The following IQCK variants were observed in gnomAD, a reference collection of about 807,000 sequenced individuals.
IQCK encodes IQ domain-containing protein K.
IQCK carries 29 observed loss-of-function variants against 28.1 expected under a neutral mutation model. The observed-to-expected ratio is 1.03, with a 90% CI of 0.77 to 1.41. IQCK has a LOEUF of 1.41. Ranked by LOEUF, IQCK falls within the 40% of genes most tolerant of loss-of-function variation. The pLI, the probability that IQCK is intolerant of heterozygous loss-of-function variation, is 0.00. For missense variants in IQCK, 359 were observed against 314.7 expected (o/e 1.14, Z -1.07); for synonymous variants, 113 against 115.1 (o/e 0.98, Z 0.12).
At chr16:19,722,875 C>T (rs758015562) in intron 1 of IQCK, among the ~76,000 whole-genome samples, 33 of 152,138 alleles carry the variant, frequency 2.2e-4, no homozygotes, top group Admixed American at 3.9e-4. Context: ...TGACACCATG[C>T]CCAGCTAATT....
At chr16:19,804,701 T>C (rs1006075555) in intron 7 of IQCK, among the ~76,000 whole-genome samples, 41 of 152,096 alleles carry the variant, frequency 2.7e-4, no homozygotes, top group Non-Finnish European at 5.6e-4. Context: ...AGTGTTGGGA[T>C]TACAGGTGTG....
chr16:19,741,504 A>G (rs115547034), intron 4 of IQCK, among the ~76,000 whole-genome samples: 2,815 of 152,290 alleles, frequency 0.018, 88 homozygotes, highest in African/African-American at 0.065. Flanking sequence ...ATTTCTAATT[A>G]TATTAGAGAT....
At chr16:19,728,239 A>G (rs558375974) in intron 1 of IQCK, among the ~76,000 whole-genome samples, 1 of 152,128 alleles carries the variant, frequency 6.6e-6, no homozygotes, top group East Asian at 1.9e-4. Context: ...CTCAACCACA[A>G]GAAACTAAAA....
At chr16:19,779,335 G>A (rs1331007065) in intron 6 of IQCK, among the ~76,000 whole-genome samples, 1 of 152,194 alleles carries the variant, frequency 6.6e-6, no homozygotes. Flanking sequence ...TGATGGATTG[G>A]ATGTTGTGGG....
At chr16:19,761,176 T>G (rs1296055527) in intron 4 of IQCK, 1 of 329,750 alleles carries the variant, frequency 3.0e-6, no homozygotes, top group African/African-American at 2.1e-5. Context: ...CAGCCTCATT[T>G]TACCCAGCCC....
intron 4 of IQCK, among the ~76,000 whole-genome samples, chr16:19,738,844 G>A (rs567035518): frequency 6.6e-6 from 1 of 152,266 alleles, no homozygotes; most frequent in East Asian, 1.9e-4. Context: ...CCAGTTCCCA[G>A]AAAAACCATC....
intron 4 of IQCK, among the ~76,000 whole-genome samples, chr16:19,763,347 C>G (rs1041178244): frequency 6.6e-6 from 1 of 152,030 alleles, no homozygotes; most frequent in Non-Finnish European, 1.5e-5. Context: ...GTTTAGTAGG[C>G]TGAGAAGGAG....
chr16:19,822,067 C>CAA (rs35060834), intron 7 of IQCK, among the ~76,000 whole-genome samples: 45 of 64,554 alleles, frequency 7.0e-4, no homozygotes, highest in African/African-American at 9.0e-4. Context: ...GACCCTGTCT[C>CAA]AAAAAAAAAA....
At chr16:19,741,534 C>T (rs2151690512) in intron 4 of IQCK, among the ~76,000 whole-genome samples, 1 of 152,188 alleles carries the variant, frequency 6.6e-6, no homozygotes, top group Non-Finnish European at 1.5e-5. Context: ...ATCCTTGTGC[C>T]AACTCATATT....
Position 19,780,426 on chromosome 16 carries a change from C to G in IQCK, c.606-8412C>G, listed in dbSNP as rs562423454. The stretch of plus-strand genomic sequence containing the variant: ...CCTCAAGCCATCCTCCCTCCTTGGC[C>G]TCTCTAAGTGCTGGGATTACAGGCA... On this transcript the variant is annotated intron_variant, in intron 6 of 7. Transcript: ENST00000564186. Among the ~76,000 whole-genome samples the G allele has an allele frequency of 3.3e-5, 5 of 152,250 alleles. No homozygotes were observed. In the East Asian group the frequency reaches 9.6e-4, roughly 29 times the overall value.
At chr16:19,830,520 C>T (rs888285325), downstream of IQCK, among the ~76,000 whole-genome samples, 3 of 152,168 alleles carry the variant, frequency 2.0e-5, no homozygotes, top group African/African-American at 7.2e-5. Context: ...AGAAACACCT[C>T]TTCAGTAAAT....
chr16:19,765,985 G>A (rs1348981238), intron 6 of IQCK: 1 of 152,144 alleles, frequency 6.6e-6, no homozygotes, highest in Non-Finnish European at 1.5e-5. Context: ...TTTAAATGGT[G>A]CTGATGTCCA....
At chr16:19,774,397 A>ATT (rs2055361460) in intron 6 of IQCK, among the ~76,000 whole-genome samples, 1 of 120,494 alleles carries the variant, frequency 8.3e-6, no homozygotes, top group African/African-American at 3.8e-5. Context: ...TTTAGCTAAT[A>ATT]CTTTTTTTTT....
chr16:19,753,726 T>C (rs1197992744), intron 4 of IQCK, among the ~76,000 whole-genome samples: 1 of 151,908 alleles, frequency 6.6e-6, no homozygotes, highest in Non-Finnish European at 1.5e-5. Flanking sequence ...GGCTTCAGGG[T>C]TGGTTTGATT....
chr16:19,799,065 T>A (rs2151737731), intron 7 of IQCK, among the ~76,000 whole-genome samples: 1 of 82,186 alleles, frequency 1.2e-5, no homozygotes, highest in Admixed American at 1.2e-4. Context: ...ATAAGCTTTT[T>A]AAAAATATAT....
intron 7 of IQCK, among the ~76,000 whole-genome samples, chr16:19,814,835 C>T (rs1287960087): frequency 1.4e-5 from 2 of 139,602 alleles, no homozygotes; most frequent in East Asian, 2.1e-4. Flanking sequence ...CTGCCCAGGT[C>T]GGAGTGCCAT....
intron 9 of IQCK, among the ~76,000 whole-genome samples, chr16:19,855,003 G>A (rs890288037): frequency 6.6e-6 from 1 of 152,116 alleles, no homozygotes; most frequent in Non-Finnish European, 1.5e-5. Flanking sequence ...TTTCTGATTT[G>A]TGTTGCTAAT....
At chr16:19,719,136 T>G (rs943210522) in intron 1 of IQCK, among the ~76,000 whole-genome samples, 9 of 152,294 alleles carry the variant, frequency 5.9e-5, no homozygotes, top group South Asian at 4.1e-4. Flanking sequence ...GGCACCTATT[T>G]CGATGGTGTT....
At chr16:19,721,483 T>G (rs2151670814) in intron 1 of IQCK, among the ~76,000 whole-genome samples, 1 of 152,324 alleles carries the variant, frequency 6.6e-6, no homozygotes. Flanking sequence ...GTCAATAAAC[T>G]TCTTCCCGGC....
Sources: allele counts gnomAD v4.1 joint callset (sites outside exome capture counted in the v4.1 genomes callset), GRCh38; gene constraint gnomAD v4.1.1; transcripts MANE v1.5; gene names NCBI Gene and HGNC (gene_info 2026-07-23, HGNC 2026-07-21).